The following ADAMTSL1 variants were observed in gnomAD, a reference collection of about 807,000 sequenced individuals.
ADAMTSL1 encodes ADAMTS-like protein 1.
In ADAMTSL1, 126 loss-of-function variants were observed where a neutral mutation model predicts 201.8. The observed-to-expected ratio is 0.62, with a 90% confidence interval of 0.54 to 0.72. The LOEUF (loss-of-function observed/expected upper bound fraction) is 0.72, where lower values mean the gene tolerates loss of function less well. ADAMTSL1 is among the 30% of genes least tolerant of loss of function. The pLI, the probability that ADAMTSL1 is intolerant of heterozygous loss-of-function variation, is 0.00. For synonymous variants in ADAMTSL1, 1,121 were observed against 903.4 expected (o/e 1.24, Z -4.32); for missense variants, 2,679 against 2,277.8 (o/e 1.18, Z -3.59).
intron 1 of ADAMTSL1, among the ~76,000 whole-genome samples, chr9:17,918,079 C>G (rs181183438): frequency 2.2e-3 from 338 of 151,904 alleles, no homozygotes; most frequent in African/African-American, 7.9e-3. Flanking sequence ...CATAGCTTAT[C>G]AATTTTATCA....
At chr9:18,229,935 G>A (rs1414575874) in intron 2 of ADAMTSL1, among the ~76,000 whole-genome samples, 1 of 152,028 alleles carries the variant, frequency 6.6e-6, no homozygotes, top group African/African-American at 2.4e-5. Context: ...GACCTCAAGC[G>A]ATCCACTTGC....
At chr9:18,580,907 G>T (rs6475232) in intron 4 of ADAMTSL1, among the ~76,000 whole-genome samples, 98,408 of 151,734 alleles carry the variant, frequency 0.65, 32,110 homozygotes, top group East Asian at 0.82. Context: ...GGGACCTCTT[G>T]CTAAAATACA....
intron 1 of ADAMTSL1, among the ~76,000 whole-genome samples, chr9:18,161,914 A>G (rs1162161974): frequency 6.6e-6 from 1 of 152,024 alleles, no homozygotes; most frequent in East Asian, 1.9e-4. Context: ...GTTCTTATGA[A>G]ACTCAGTGTA....
At chr9:18,419,710 T>C (rs559135704) in intron 2 of ADAMTSL1, among the ~76,000 whole-genome samples, 1 of 146,236 alleles carries the variant, frequency 6.8e-6, no homozygotes, top group Non-Finnish European at 1.5e-5. Context: ...AATTGCACAC[T>C]GTATAATCTC....
intron 1 of ADAMTSL1, among the ~76,000 whole-genome samples, chr9:17,989,828 A>AT (rs897798444): frequency 0.017 from 2,461 of 145,730 alleles, 40 homozygotes; most frequent in African/African-American, 0.037. Context: ...ATAGCATCTG[A>AT]TTTTTTTTTT....
At chr9:18,682,911 C>G (rs1276767814) in intron 12 of ADAMTSL1, among the ~76,000 whole-genome samples, 2 of 152,108 alleles carry the variant, frequency 1.3e-5, no homozygotes, top group Non-Finnish European at 2.9e-5. Context: ...GTTTCCTCCT[C>G]TGTAAAATGG....
rs78808229 is a variant in ADAMTSL1 at position 18,579,678 on chromosome 9, C to A, written c.474+5412C>A. The stretch of plus-strand genomic sequence containing the variant: ...ACTGACTTCCCAATGAATGAGCAGA[C>A]CTTCTGTTAATTTCCTATTGCAGTC... On this transcript the variant is annotated intron_variant, in intron 4 of 28. Transcript: ENST00000380548. Among the ~76,000 whole-genome samples the A allele has an allele frequency of 2.8e-3, 420 of 152,142 alleles. 1 individual carries two copies. Among genetic ancestry groups the A allele is most frequent in the Middle Eastern group, 6.8e-3 (2 of 294 alleles).
chr9:18,489,343 A>C (rs1822152968), intron 1 of ADAMTSL1, among the ~76,000 whole-genome samples: 1 of 152,202 alleles, frequency 6.6e-6, no homozygotes, highest in Non-Finnish European at 1.5e-5. Context: ...AGTCAATGTG[A>C]ATGCACTTTG....
chr9:18,218,049 T>C (rs1000731611), intron 2 of ADAMTSL1, among the ~76,000 whole-genome samples: 3 of 152,164 alleles, frequency 2.0e-5, no homozygotes, highest in Non-Finnish European at 4.4e-5. Context: ...TTTGAAGAAA[T>C]ATAAAAAATA....
intron 2 of ADAMTSL1, among the ~76,000 whole-genome samples, chr9:18,336,690 T>G (rs1015413674): frequency 9.9e-5 from 15 of 152,166 alleles, no homozygotes; most frequent in African/African-American, 3.6e-4. Flanking sequence ...GCCCTGCCTG[T>G]GTACTAAAAA....
At chr9:18,464,498 C>T (rs1328414649) in intron 2 of ADAMTSL1, among the ~76,000 whole-genome samples, 4 of 152,068 alleles carry the variant, frequency 2.6e-5, no homozygotes, top group South Asian at 2.1e-4. Flanking sequence ...AGAAGTGATA[C>T]ATAAGAAAGG....
At chr9:18,084,145 A>C (rs2131785200) in intron 1 of ADAMTSL1, among the ~76,000 whole-genome samples, 1 of 152,326 alleles carries the variant, frequency 6.6e-6, no homozygotes, top group Non-Finnish European at 1.5e-5. Flanking sequence ...CCTTAGCTAA[A>C]ACCCAAGACT....
chr9:18,566,860 G>T (rs1821932513), intron 3 of ADAMTSL1, among the ~76,000 whole-genome samples: 1 of 152,130 alleles, frequency 6.6e-6, no homozygotes, highest in Admixed American at 6.6e-5. Flanking sequence ...TTGCAAGAAC[G>T]CAGGCATGAC....
At chr9:18,314,470 C>A (rs115870749) in intron 2 of ADAMTSL1, among the ~76,000 whole-genome samples, 2 of 151,902 alleles carry the variant, frequency 1.3e-5, no homozygotes, top group Non-Finnish European at 2.9e-5. Flanking sequence ...CATACTTTCG[C>A]GGTGAGTGTT....
At chr9:18,127,234 G>A (rs1292569604) in intron 1 of ADAMTSL1, among the ~76,000 whole-genome samples, 2 of 152,078 alleles carry the variant, frequency 1.3e-5, no homozygotes, top group African/African-American at 2.4e-5. Context: ...GAAAACAGGT[G>A]ATAAAAGCCA....
At chr9:18,212,980 A>G (rs1443482293) in intron 2 of ADAMTSL1, among the ~76,000 whole-genome samples, 1 of 152,196 alleles carries the variant, frequency 6.6e-6, no homozygotes, top group Non-Finnish European at 1.5e-5. Context: ...TAGCATTTTG[A>G]GATGTGATTT....
intron 1 of ADAMTSL1, among the ~76,000 whole-genome samples, chr9:18,098,550 G>T (rs1824353762): frequency 6.6e-6 from 1 of 152,160 alleles, no homozygotes; most frequent in Non-Finnish European, 1.5e-5. Context: ...ACATGTAATT[G>T]ATTTGCATAT....
At chr9:18,401,290 T>TGG (rs1817974195) in intron 2 of ADAMTSL1, among the ~76,000 whole-genome samples, 1 of 152,214 alleles carries the variant, frequency 6.6e-6, no homozygotes, top group African/African-American at 2.4e-5. Flanking sequence ...ACATAGGCTT[T>TGG]TAAAAATCCA....
chr9:18,296,392 T>G (rs1432614643), intron 2 of ADAMTSL1, among the ~76,000 whole-genome samples: 1 of 152,174 alleles, frequency 6.6e-6, no homozygotes, highest in Non-Finnish European at 1.5e-5. Flanking sequence ...AGGGAATTAT[T>G]TTTATCTTAG....
Sources: gnomAD v4.1 joint callset for allele counts (sites outside exome capture counted in the v4.1 genomes callset) on GRCh38, gnomAD v4.1.1 for gene constraint, MANE v1.5 for transcripts, NCBI Gene and HGNC (gene_info 2026-07-23, HGNC 2026-07-21) for gene names.